The following MYOF variants were observed in gnomAD, a reference collection of about 807,000 sequenced individuals.
MYOF encodes myoferlin.
MYOF carries 244 observed loss-of-function variants against 284.2 expected under a neutral mutation model. That is an observed-to-expected ratio of 0.86 (90% CI 0.77 to 0.95). The LOEUF is 0.95. MYOF is among the 40% of genes least tolerant of loss of function. The probability of loss-of-function intolerance (pLI) is 0.00; values close to 1 mark genes in which losing one functional copy is unlikely to be tolerated. For synonymous variants in MYOF, 904 were observed against 919.7 expected (o/e 0.98, Z 0.31); for missense variants, 2,496 against 2,560.6 (o/e 0.97, Z 0.54).
At chr10:93,332,784 T>A (rs1035385876) in intron 43 of MYOF, among the ~76,000 whole-genome samples, 1 of 151,892 alleles carries the variant, frequency 6.6e-6, no homozygotes, top group Non-Finnish European at 1.5e-5. Context: ...GAGGCGGAGC[T>A]TGCAGTGAGC....
At chr10:93,369,953 AAGC>A in intron 24 of MYOF, among the ~76,000 whole-genome samples, 177 bp from the exon 25 acceptor site, 1 of 152,342 alleles carries the variant, frequency 6.6e-6, no homozygotes, top group South Asian at 2.1e-4. Flanking sequence ...ATCACAATTA[AAGC>A]AGCAGATCTC....
At position 93,308,658 on chromosome 10, in the gene MYOF, A is replaced by G. The variant is rs113833029; in HGVS notation, c.6147+1362T>C. On this transcript the variant is annotated intron_variant, in intron 53 of 53. Coordinates refer to ENST00000359263, the MANE Select transcript of MYOF (RefSeq NM_013451.4). ...TACATATACTCATAGATGACAAACT[A>G]GAAGTACTATACTGGGGAAAAATGA... is the stretch of plus-strand genomic sequence containing the variant. 4.0e-3 allele frequency among the ~76,000 whole-genome samples: 615 copies of G among 152,170 alleles called. 6 individuals are homozygous for G. Among genetic ancestry groups the G allele is most frequent in the African/African-American group, 0.014 (587 of 41,498 alleles).
intron 3 of MYOF, among the ~76,000 whole-genome samples, chr10:93,442,438 C>G (rs78413833): frequency 0.017 from 2,578 of 152,304 alleles, 30 homozygotes; most frequent in Middle Eastern, 0.031. Context: ...ACCCAACCAA[C>G]AAGAAGCAAA....
chr10:93,414,132 C>A (rs1464442204), intron 5 of MYOF, among the ~76,000 whole-genome samples: 1 of 152,224 alleles, frequency 6.6e-6, no homozygotes, highest in Non-Finnish European at 1.5e-5. Context: ...CTCTTCCTAG[C>A]CAGTGGCTCC....
chr10:93,334,379 C>T (rs1212186013), intron 41 of MYOF, among the ~76,000 whole-genome samples: 1 of 149,532 alleles, frequency 6.7e-6, no homozygotes. Flanking sequence ...CAGGAAACCT[C>T]CCTGACTGCT....
chr10:93,355,660 G>A lies in MYOF; in HGVS notation c.3371C>T (p.Ala1124Val). 1 of 1,612,132 alleles carries A rather than the reference G, an allele frequency of 6.2e-7. No homozygotes were observed. Among genetic ancestry groups the A allele is most frequent in the South Asian group, 1.1e-5 (1 of 90,868 alleles). ...ATTGCAGGAAACAATGGGGGTGTTT[G>A]CTCCGAACACAGTGGTGGCACTGTG... The part of the protein sequence containing the change: ...QKHSATTVFG[A>V]NTPIVSCNFD... The change falls in exon 31 of 54, where the codon GCA (alanine) becomes GTA (valine). Residue 1124 changes from alanine to valine, a missense_variant. By Grantham distance (64) the Ala-to-Val change is moderately conservative. Transcript: ENST00000359263.
chr10:93,420,679 A>C (rs1848321713), intron 5 of MYOF, among the ~76,000 whole-genome samples: 1 of 152,158 alleles, frequency 6.6e-6, no homozygotes, highest in Non-Finnish European at 1.5e-5. Context: ...CTATGTGGAG[A>C]AGAACCTTTA....
chr10:93,388,879 T>G (rs866612800), intron 18 of MYOF, 151 bp downstream of exon 18: 376 of 1,015,926 alleles, frequency 3.7e-4, no homozygotes, highest in Middle Eastern at 5.8e-4. Context: ...CATCCCCCAG[T>G]GAGATGATCT....
At chr10:93,370,819 C>T (rs762261659) in intron 24 of MYOF, among the ~76,000 whole-genome samples, 43 of 151,852 alleles carry the variant, frequency 2.8e-4, no homozygotes, top group Non-Finnish European at 5.0e-4. Context: ...CTTAAAACTG[C>T]GATTGACAGG....
Position 93,456,911 on chromosome 10 carries a change from C to T in MYOF, c.115G>A (p.Asp39Asn). The T allele has an allele frequency of 1.9e-6, 3 of 1,608,502 alleles. No homozygotes were observed. The highest frequency in any genetic ancestry group is 8.5e-7 in the Non-Finnish European group (1 of 1,178,228). ...KDEKKKTKKV[D>N]NELNPVWNEI... ...TTCCAGACAGGGTTCAATTCATTAT[C>T]AACTTTCTTTGTTTTCTTTTTCTCA... Residue 39 changes from aspartate to asparagine, a missense_variant, in exon 2 of 54, where the codon GAT becomes AAT. By Grantham distance (23) the Asp-to-Asn change is conservative. This residue lies in a region of MYOF where 57 missense variants were observed against 62.4 expected (regional missense o/e 0.91). Transcript: ENST00000359263.
At chr10:93,352,741 C>T (rs989696680) in intron 32 of MYOF, among the ~76,000 whole-genome samples, 2 of 152,192 alleles carry the variant, frequency 1.3e-5, no homozygotes, top group Non-Finnish European at 2.9e-5. Flanking sequence ...TCTTCTATCT[C>T]AAACTGCAAG....
intron 49 of MYOF, 122 bp downstream of exon 49, chr10:93,319,750 C>G: frequency 1.5e-6 from 2 of 1,362,668 alleles, no homozygotes; most frequent in South Asian, 2.7e-5. Context: ...TTCCCCATCT[C>G]TGCTGAGAAG....
chr10:93,323,947 G>A (rs1842940413), intron 46 of MYOF, among the ~76,000 whole-genome samples: 1 of 152,200 alleles, frequency 6.6e-6, no homozygotes, highest in African/African-American at 2.4e-5. Flanking sequence ...ATTTTCAAAA[G>A]AGGAGCTCAA....
chr10:93,397,330 G>A (rs1847067685), intron 14 of MYOF, 40 bp from the exon 15 acceptor site: 1 of 1,589,446 alleles, frequency 6.3e-7, no homozygotes, highest in Non-Finnish European at 8.6e-7. Context: ...ATTTCTCAAT[G>A]ATTTAGTAAT....
intron 3 of MYOF, among the ~76,000 whole-genome samples, chr10:93,436,740 C>T (rs1849141892): frequency 6.6e-6 from 1 of 152,190 alleles, no homozygotes; most frequent in Non-Finnish European, 1.5e-5. Context: ...GAAATGATGA[C>T]TTGGCCTCTT....
In MYOF at chr10:93,356,807, A is replaced by G; in HGVS notation, c.3162T>C (p.Ala1054=). 6.2e-7 allele frequency: 1 copy of G among 1,614,136 alleles called. No homozygotes were observed. Among genetic ancestry groups the G allele is most frequent in the Middle Eastern group, 1.7e-4 (1 of 6,026 alleles). The change falls in exon 30 of 54, where the codon GCT becomes GCC. Residue 1054 remains alanine (A), a synonymous_variant. Transcript: ENST00000359263. ...ELQDQEGWEY[A]SLIGWKFHWK... ...AGTGAAATTTCCAGCCAATTAGAGAAGCATATTCCCAGCCCTCTTGGTCTT... is the reference window on the plus strand; with the variant it reads ...AGTGAAATTTCCAGCCAATTAGAGAGGCATATTCCCAGCCCTCTTGGTCTT...
At chr10:93,406,510 A>T (rs1006209718) in intron 7 of MYOF, among the ~76,000 whole-genome samples, 4 of 150,734 alleles carry the variant, frequency 2.7e-5, no homozygotes, top group African/African-American at 9.7e-5. Context: ...TGCATTATCA[A>T]TGCATAGACA....
chr10:93,452,025 A>T (rs2056604738), intron 3 of MYOF, 25 bp downstream of exon 3: 1 of 1,515,978 alleles, frequency 6.6e-7, no homozygotes, highest in Non-Finnish European at 9.1e-7. Context: ...ACCTAAAATG[A>T]GAAAAACAGG....
chr10:93,354,666 A>ACTCTCTCTCTCTCTCTCT (rs140255016), intron 31 of MYOF, among the ~76,000 whole-genome samples: 2,911 of 118,760 alleles, frequency 0.025, 99 homozygotes, highest in Non-Finnish European at 0.032. Flanking sequence ...TCACACATTC[A>ACTCTCTCTCTCTCTCTCT]CTCTCTCTCT....
Sources: gnomAD v4.1 joint callset for allele counts (sites outside exome capture counted in the v4.1 genomes callset) on GRCh38, gnomAD v4.1.1 for gene constraint, gnomAD v4.1.1 regional missense constraint, MANE v1.5 for transcripts, NCBI Gene and HGNC (gene_info 2026-07-23, HGNC 2026-07-21) for gene names.